Variants in SNTA1 observed in about 807,000 individuals in gnomAD.
SNTA1 encodes syntrophin alpha 1.
SNTA1 carries 31 observed loss-of-function variants against 47.1 expected under a neutral mutation model. The observed-to-expected ratio is 0.66, with a 90% CI of 0.49 to 0.89. The LOEUF is 0.89. Ranked by LOEUF, SNTA1 falls within the 40% of genes least tolerant of loss-of-function variation. The pLI, the probability that SNTA1 is intolerant of heterozygous loss-of-function variation, is 0.00. For synonymous variants in SNTA1, 300 were observed against 313.6 expected (o/e 0.96, Z 0.46); for missense variants, 575 against 693.0 (o/e 0.83, Z 1.91).
rs544379625 is a variant in SNTA1, at chr20:33,413,770, GA to G, written c.702-989del. Reference sequence around the variant, plus strand: ...AAGTGAGACACTCATCTCTAAAAAAGAAAAAAAAATTTTTTTTTTAATTAGC... The same window carrying G: ...AAGTGAGACACTCATCTCTAAAAAAGAAAAAAAATTTTTTTTTTAATTAGC... On this transcript the variant is annotated intron_variant, in intron 3 of 7. Coordinates refer to ENST00000217381, the MANE Select transcript of SNTA1 (RefSeq NM_003098.3). Among the ~76,000 whole-genome samples the G allele has an allele frequency of 6.0e-5, 9 of 150,816 alleles. No homozygotes were observed. The East Asian group carries it at 1.4e-3, about 23-fold the overall frequency.
chr20:33,409,687 G>A (rs1989690821), intron 6 of SNTA1, among the ~76,000 whole-genome samples: 1 of 151,414 alleles, frequency 6.6e-6, no homozygotes, highest in African/African-American at 2.4e-5. Context: ...AGGCTGGAGT[G>A]CAGTGGCACA....
At chr20:33,425,991 G>A (rs565747091) in intron 2 of SNTA1, among the ~76,000 whole-genome samples, 23 of 149,588 alleles carry the variant, frequency 1.5e-4, no homozygotes, top group South Asian at 4.3e-4. Context: ...CAGGAGAATC[G>A]CTTGAATCAG....
Position 33,443,359 on chromosome 20 carries a change from C to G in SNTA1, c.262G>C (p.Val88Leu). The stretch of plus-strand genomic sequence containing the variant: ...CCGGCGTCGGCCTTGCGCACCGTCA[C>G]GCGGCGCCGCTGGAGCAGTAGCGCC... ...PEALLLQRRR[V>L]TVRKADAGGL... Residue 88 changes from valine to leucine, a missense_variant, in exon 1 of 8, where the codon GTG becomes CTG. Physicochemically the swap from Val to Leu is conservative, Grantham distance 32 (BLOSUM62 1). Transcript: ENST00000217381. 5.5e-6 allele frequency: 8 copies of G among 1,465,232 alleles called. No homozygotes were observed. The highest frequency in any genetic ancestry group is 7.2e-6 in the Non-Finnish European group (8 of 1,112,088). 90.8% of individuals were successfully genotyped at this position (1,465,232 alleles called of 1,614,324 possible).
chr20:33,439,042 A>C lies in SNTA1; in HGVS notation c.311-16T>G, dbSNP rs998028927. 8 of 1,612,226 alleles carry C rather than the reference A, an allele frequency of 5.0e-6. No homozygotes were observed. Among genetic ancestry groups the C allele is most frequent in the Middle Eastern group, 3.3e-4 (2 of 6,056 alleles). ...TCCCGGCCGCCTGCACAGGTACAGA[A>C]GGAGGACAAGACTTAGGCAGATACT... On this transcript the variant is annotated splice_polypyrimidine_tract_variant and intron_variant, in intron 1 of 7. Coordinates refer to ENST00000217381, the MANE Select transcript of SNTA1 (RefSeq NM_003098.3).
intron 2 of SNTA1, among the ~76,000 whole-genome samples, chr20:33,428,284 C>G (rs546731749): frequency 3.4e-4 from 52 of 152,124 alleles, no homozygotes; most frequent in Middle Eastern, 3.4e-3. Flanking sequence ...TGGTGTGCAC[C>G]TGTAGTCCCA....
intron 5 of SNTA1, 106 bp from the exon 6 acceptor site, chr20:33,410,437 C>T: frequency 2.7e-6 from 2 of 739,876 alleles, no homozygotes; most frequent in South Asian, 3.3e-5. Flanking sequence ...AATCCTTTAC[C>T]ACCTAACAGG....
chr20:33,430,672 G>A (rs1278117655), intron 2 of SNTA1, among the ~76,000 whole-genome samples: 1 of 151,898 alleles, frequency 6.6e-6, no homozygotes, highest in Non-Finnish European at 1.5e-5. Flanking sequence ...TTTTCGCCGG[G>A]CGCAGTGGCT....
At chr20:33,430,905 T>C (rs291684) in intron 2 of SNTA1, among the ~76,000 whole-genome samples, 104,284 of 150,922 alleles carry the variant, frequency 0.69, 36,105 homozygotes, top group Admixed American at 0.75. Flanking sequence ...GCCGAGATCG[T>C]GCCACTGTAC....
rs59970065 is a variant in SNTA1 at position 33,429,971 on chromosome 20, T to C, written c.496+8870A>G. Among the ~76,000 whole-genome samples, 608 of 152,282 alleles carry C rather than the reference T, an allele frequency of 4.0e-3. 5 individuals carry two copies. The highest frequency in any genetic ancestry group is 0.017 in the Middle Eastern group (5 of 294). ...TTGGAGAGACAGGGTTTCGCTATGT[T>C]GCTCAGGCTAAGCTGGATATTTTTG... is the stretch of plus-strand genomic sequence containing the variant. On this transcript the variant is annotated intron_variant, in intron 2 of 7. Coordinates refer to ENST00000217381, the MANE Select transcript of SNTA1 (RefSeq NM_003098.3).
intron 1 of SNTA1, 141 bp downstream of exon 1, chr20:33,443,170 C>T: frequency 1.8e-6 from 1 of 547,990 alleles, no homozygotes. Context: ...GCCCAGTGCC[C>T]TCCGTTACCT....
At chr20:33,416,722 C>T (rs925221578) in intron 3 of SNTA1, among the ~76,000 whole-genome samples, 2 of 152,038 alleles carry the variant, frequency 1.3e-5, no homozygotes, top group African/African-American at 4.8e-5. Flanking sequence ...GGGGGAATCA[C>T]CTGAGGTCAG....
intron 2 of SNTA1, among the ~76,000 whole-genome samples, chr20:33,423,698 C>A (rs1345196087): frequency 6.6e-6 from 1 of 152,190 alleles, no homozygotes; most frequent in African/African-American, 2.4e-5. Context: ...TCATCAGGCC[C>A]AGTATAAGTG....
chr20:33,408,469 T>C lies in SNTA1; in HGVS notation c.*38A>G, dbSNP rs765852179. On this transcript the variant is annotated 3_prime_UTR_variant, in exon 8 of 8. Coordinates refer to ENST00000217381, the MANE Select transcript of SNTA1 (RefSeq NM_003098.3). ...TGGAGGCCCAGCTCAGGCCATGTCA[T>C]GGACACCCCTCTTCAGGGCTAGTGC... The C allele has an allele frequency of 5.5e-6, 8 of 1,449,258 alleles. No homozygotes were observed. Among genetic ancestry groups the C allele is most frequent in the East Asian group, 4.5e-5 (2 of 44,074 alleles). The allele number at this position is 1,449,258 out of a possible 1,614,324, so 89.8% of individuals were successfully genotyped here.
chr20:33,413,889 A>G (rs1255299397), intron 3 of SNTA1, among the ~76,000 whole-genome samples: 1 of 151,532 alleles, frequency 6.6e-6, no homozygotes, highest in Non-Finnish European at 1.5e-5. Flanking sequence ...GCAGTAAGCT[A>G]TAAGGGTGCC....
chr20:33,415,657 G>A (rs895274540), intron 3 of SNTA1, among the ~76,000 whole-genome samples: 6 of 151,726 alleles, frequency 4.0e-5, no homozygotes, highest in African/African-American at 1.5e-4. Flanking sequence ...CAGGCATGGC[G>A]GCGTGCACCT....
intron 3 of SNTA1, among the ~76,000 whole-genome samples, chr20:33,415,627 CA>C (rs113151357): frequency 3.3e-3 from 434 of 133,066 alleles, no homozygotes; most frequent in Middle Eastern, 3.9e-3. Flanking sequence ...TGCTAAAATA[CA>C]AAAAAAAAAA....
At chr20:33,435,127 A>G (rs1031840534) in intron 2 of SNTA1, among the ~76,000 whole-genome samples, 4 of 150,012 alleles carry the variant, frequency 2.7e-5, no homozygotes, top group African/African-American at 9.8e-5. Context: ...AGTAGCTGGG[A>G]TTACAGGCAC....
chr20:33,410,182 A>C lies in SNTA1; in HGVS notation c.1190T>G (p.Val397Gly). 6.2e-7 allele frequency: 1 copy of C among 1,614,192 alleles called. No individual in the cohort carries two copies. The highest frequency in any genetic ancestry group is 1.7e-4 in the Middle Eastern group (1 of 6,052). Residue 397 changes from valine (V) to glycine (G), a missense_variant, in exon 6 of 8, where the codon GTG becomes GGG. Val to Gly is a moderately radical substitution (Grantham distance 109). Coordinates refer to ENST00000217381, the MANE Select transcript of SNTA1 (RefSeq NM_003098.3). The part of the protein sequence containing the change: ...QELAAWTRQL[V>G]DGCHRAAEGV... ...CTCGGCGGCCCGGTGACAGCCATCC[A>C]CAAGCTGGCGGGTCCAGGCAGCCAG...
chr20:33,418,042 A>G (rs1989923039), intron 2 of SNTA1, 119 bp from the exon 3 acceptor site: 1 of 676,348 alleles, frequency 1.5e-6, no homozygotes, highest in East Asian at 2.6e-5. Flanking sequence ...TTAGTAAGCA[A>G]GAGTCCAGTA....
Sources: allele counts gnomAD v4.1 joint callset (sites outside exome capture counted in the v4.1 genomes callset), GRCh38; gene constraint gnomAD v4.1.1; transcripts MANE v1.5; gene names NCBI Gene and HGNC (gene_info 2026-07-23, HGNC 2026-07-21).